PACRGL: variants seen among roughly 807,000 people sequenced by gnomAD.
PACRGL encodes the protein parkin coregulated like, also known as PACRG-like protein.
Under a neutral mutation model 34.5 loss-of-function variants are expected in PACRGL, and 38 were observed. That is an observed-to-expected ratio of 1.10 (90% CI 0.85 to 1.44). The LOEUF is 1.44. Ranked by LOEUF, PACRGL falls within the 40% of genes most tolerant of loss-of-function variation. The pLI is 0.00. For synonymous variants in PACRGL, 128 were observed against 100.1 expected (o/e 1.28, Z -1.66); for missense variants, 305 against 281.4 (o/e 1.08, Z -0.60).
intron 7 of PACRGL, among the ~76,000 whole-genome samples, chr4:20,714,555 G>A (rs1024227693): frequency 2.0e-5 from 3 of 152,130 alleles, no homozygotes; most frequent in African/African-American, 7.2e-5. Flanking sequence ...ATATTAGCTG[G>A]TTATTTTGCT....
intron 7 of PACRGL, among the ~76,000 whole-genome samples, chr4:20,717,272 A>G (rs1246553410): frequency 6.6e-6 from 1 of 152,092 alleles, no homozygotes; most frequent in East Asian, 1.9e-4. Context: ...ATTTTTTCCC[A>G]TTCTGTAGGT....
At chr4:20,711,118 T>G (rs1213947086) in intron 5 of PACRGL, among the ~76,000 whole-genome samples, 2 of 151,958 alleles carry the variant, frequency 1.3e-5, no homozygotes, top group African/African-American at 2.4e-5. Flanking sequence ...TATGTTTCCT[T>G]ATTTTTTAAA....
chr4:20,735,875 T>G (rs1749510373), downstream of PACRGL, among the ~76,000 whole-genome samples: 2 of 152,290 alleles, frequency 1.3e-5, no homozygotes, highest in South Asian at 4.1e-4. Flanking sequence ...AACGTTACAA[T>G]GTGCTGTATT....
intron 3 of PACRGL, among the ~76,000 whole-genome samples, chr4:20,706,363 G>A (rs1734467344): frequency 6.6e-6 from 1 of 152,162 alleles, no homozygotes; most frequent in Non-Finnish European, 1.5e-5. Flanking sequence ...GTAGATGGTA[G>A]AAGTCAAATA....
chr4:20,735,809 A>C (rs1292335230), downstream of PACRGL, among the ~76,000 whole-genome samples: 1 of 152,112 alleles, frequency 6.6e-6, no homozygotes, highest in South Asian at 2.1e-4. Flanking sequence ...TGCTGGGATT[A>C]CAGGCGTGAG....
At chr4:20,726,463 C>G (rs1745686268) in intron 8 of PACRGL, among the ~76,000 whole-genome samples, 1 of 152,068 alleles carries the variant, frequency 6.6e-6, no homozygotes, top group South Asian at 2.1e-4. Context: ...AGAAAATTTC[C>G]TATTGCAATT....
At chr4:20,724,943 A>G (rs1344045526) in intron 8 of PACRGL, 55 bp downstream of exon 8, 1 of 983,268 alleles carries the variant, frequency 1.0e-6, no homozygotes, top group East Asian at 2.9e-5. Context: ...GTGTATTACT[A>G]AATTGACATA....
At chr4:20,726,791 T>C (rs996116376) in intron 8 of PACRGL, among the ~76,000 whole-genome samples, 3 of 152,210 alleles carry the variant, frequency 2.0e-5, no homozygotes, top group African/African-American at 7.2e-5. Context: ...ATTCTTAGCC[T>C]GATTTGATTT....
At chr4:20,742,758 AAAG>A (rs1377965654) in intron 8 of PACRGL, among the ~76,000 whole-genome samples, 1 of 152,162 alleles carries the variant, frequency 6.6e-6, no homozygotes, top group Non-Finnish European at 1.5e-5. Flanking sequence ...TCAATTAGGG[AAAG>A]AAGAAGTCAA....
chr4:20,705,708 TTAA>T (rs1451469669), intron 3 of PACRGL, among the ~76,000 whole-genome samples: 1 of 151,936 alleles, frequency 6.6e-6, no homozygotes, highest in Non-Finnish European at 1.5e-5. Context: ...ACTTTTTGAA[TTAA>T]TAATATTTAG....
chr4:20,757,875 A>T (rs1406930247), downstream of PACRGL, among the ~76,000 whole-genome samples: 1 of 152,166 alleles, frequency 6.6e-6, no homozygotes, highest in South Asian at 2.1e-4. Context: ...CTCAGGTTCA[A>T]CTCATCTGGA....
At chr4:20,743,469 A>G (rs1040732208) in intron 8 of PACRGL, among the ~76,000 whole-genome samples, 2 of 152,204 alleles carry the variant, frequency 1.3e-5, no homozygotes, top group African/African-American at 2.4e-5. Flanking sequence ...AATACCACAC[A>G]TCTACAACCA....
chr4:20,736,424 GTTGT>G (rs1422632355), downstream of PACRGL, among the ~76,000 whole-genome samples: 1 of 151,970 alleles, frequency 6.6e-6, no homozygotes, highest in Non-Finnish European at 1.5e-5. Flanking sequence ...TTCTAAACTA[GTTGT>G]TTGTATGTAT....
At chr4:20,713,603 A>C (rs1020664844) in intron 7 of PACRGL, 64 bp downstream of exon 7, 1 of 1,329,356 alleles carries the variant, frequency 7.5e-7, no homozygotes, top group East Asian at 2.4e-5. Context: ...ATATCTCTTC[A>C]TGATTTAACA....
Position 20,730,153 on chromosome 4 carries a change from A to C in PACRGL, c.*2812A>C. 1 of 1,592,074 alleles carries C rather than the reference A, an allele frequency of 6.3e-7. No individual in the cohort carries two copies. Among genetic ancestry groups the C allele is most frequent in the Non-Finnish European group, 8.5e-7 (1 of 1,170,600 alleles). On this transcript the variant is annotated 3_prime_UTR_variant, in exon 9 of 9. Transcript: ENST00000503585. ...TCCTGTAAGGGAGAAACACAGAGCG[A>C]TTAAATTCAGCATATCTGCAAGGAA...
At chr4:20,741,767 CAATG>C (rs1194791868) in intron 8 of PACRGL, among the ~76,000 whole-genome samples, 2 of 152,088 alleles carry the variant, frequency 1.3e-5, no homozygotes, top group African/African-American at 2.4e-5. Context: ...TTCAAAAAAT[CAATG>C]AATCCAGGAG....
At chr4:20,760,240 G>C in the PACRGL span, among the ~76,000 whole-genome samples, 1 of 152,008 alleles carries the variant, frequency 6.6e-6, no homozygotes. Flanking sequence ...GCACTCCCAC[G>C]CCACCTAACG....
At chr4:20,733,901 C>T (rs918004833), downstream of PACRGL, among the ~76,000 whole-genome samples, 3 of 152,098 alleles carry the variant, frequency 2.0e-5, no homozygotes, top group East Asian at 3.9e-4. Flanking sequence ...TGTGTCTCTC[C>T]AGTAGCGCAA....
At chr4:20,702,074 CTT>C in intron 1 of PACRGL, 1 of 444,690 alleles carries the variant, frequency 2.2e-6, no homozygotes, top group East Asian at 7.0e-5. Flanking sequence ...ATGTTTAAAA[CTT>C]TTTCAAATGA....
Sources: allele counts gnomAD v4.1 joint callset (sites outside exome capture counted in the v4.1 genomes callset), GRCh38; gene constraint gnomAD v4.1.1; transcripts MANE v1.5; gene names NCBI Gene and HGNC (gene_info 2026-07-23, HGNC 2026-07-21).